PCDH11Y: variants seen among roughly 807,000 people sequenced by gnomAD.
The protein encoded by PCDH11Y is protocadherin 11 Y-linked.
For synonymous variants in PCDH11Y, 9 were observed against 83.6 expected (o/e 0.11, Z 4.87); for missense variants, 12 against 224.8 (o/e 0.05, Z 6.05).
intron 4 of PCDH11Y, among the ~76,000 whole-genome samples, chrY:5,706,849 C>T: frequency 1.3e-4 from 4 of 30,845 alleles, no homozygotes; most frequent in Non-Finnish European, 2.4e-4. Flanking sequence ...TATTACTCTG[C>T]TGTATATTCC....
intron 2 of PCDH11Y, among the ~76,000 whole-genome samples, chrY:5,123,003 G>A: frequency 3.0e-5 from 1 of 32,891 alleles, no homozygotes; most frequent in Non-Finnish European, 7.4e-5. Flanking sequence ...CAAGTAAGGC[G>A]ATTTCAGAAA....
chrY:5,258,417 T>A, intron 2 of PCDH11Y, among the ~76,000 whole-genome samples: 2 of 24,728 alleles, frequency 8.1e-5, no homozygotes, highest in Non-Finnish European at 1.9e-4. Context: ...TTTCTTTTTC[T>A]TTTTTTTTTT....
intron 3 of PCDH11Y, among the ~76,000 whole-genome samples, chrY:5,524,121 G>A (rs2053384066): frequency 2.4e-3 from 81 of 34,104 alleles, no homozygotes; most frequent in Non-Finnish European, 1.3e-3. Context: ...GCTTTCTTGA[G>A]GCAGAAGGCA....
intron 2 of PCDH11Y, among the ~76,000 whole-genome samples, chrY:5,374,411 A>C (rs1602914564): frequency 1.5e-4 from 4 of 25,841 alleles, no homozygotes; most frequent in Non-Finnish European, 3.6e-4. Context: ...CTCTCTCTCT[A>C]TGTGTGTGTG....
chrY:5,125,745 A>ATGTG (rs755669346), intron 2 of PCDH11Y, among the ~76,000 whole-genome samples: 1 of 31,919 alleles, frequency 3.1e-5, no homozygotes, highest in African/African-American at 1.2e-4. Flanking sequence ...CTCTATGTGC[A>ATGTG]TGTGTGTGTG....
intron 2 of PCDH11Y, among the ~76,000 whole-genome samples, chrY:5,477,455 A>G: frequency 1.6e-4 from 5 of 32,193 alleles, no homozygotes; most frequent in African/African-American, 6.2e-4. Context: ...CATCAGGGTT[A>G]CTGGCCTGAC....
At chrY:5,482,683 G>T (rs2053328516) in intron 2 of PCDH11Y, among the ~76,000 whole-genome samples, 1 of 32,711 alleles carries the variant, frequency 3.1e-5, no homozygotes, top group Admixed American at 2.8e-4. Flanking sequence ...TTAGTTCCCG[G>T]TTATTCATTC....
chrY:5,649,416 T>G, intron 4 of PCDH11Y, among the ~76,000 whole-genome samples: 2 of 27,942 alleles, frequency 7.2e-5, no homozygotes, highest in African/African-American at 2.8e-4. Flanking sequence ...CCCTTCTAAT[T>G]AGGCTTCATC....
chrY:5,453,736 C>T, intron 2 of PCDH11Y, among the ~76,000 whole-genome samples: 1 of 31,533 alleles, frequency 3.2e-5, no homozygotes, highest in South Asian at 7.4e-4. Flanking sequence ...AGAGAAGTGC[C>T]ACACTTTTAA....
In PCDH11Y at chrY:5,462,111, G is replaced by A. The variant is rs375364129; in HGVS notation, c.3130-38946G>A. On this transcript the variant is annotated intron_variant, in intron 2 of 4. Transcript: ENST00000400457. ...AGAGAGAAATTCAAAAAGAAAACAA[G>A]GGCTGATTTCAGTCAGTGTCCTGTT... 4.9e-3 allele frequency among the ~76,000 whole-genome samples: 164 copies of A among 33,146 alleles called. No homozygotes were observed. In the South Asian group the frequency reaches 0.1, roughly 20 times the overall value. The allele number at this position is 33,146 out of a possible 37,273, so 88.9% of individuals were successfully genotyped here. A position where few individuals can be genotyped will look rare whatever the true frequency, so the allele number is the denominator to read the frequency against.
In PCDH11Y at chrY:5,091,665, A is replaced by T; in HGVS notation, c.637-6550A>T. ...CATTTCAATCTGAGTGCATATTTCA[A>T]ATTTTAACGTAATAAAATCATTTGA... is the stretch of plus-strand genomic sequence containing the variant. On this transcript the variant is annotated intron_variant, in intron 1 of 1. Coordinates refer to ENST00000215473, the Ensembl canonical transcript of PCDH11Y. Among the ~76,000 whole-genome samples, 5 of 33,600 alleles carry T rather than the reference A, an allele frequency of 1.5e-4. No homozygotes were observed. In the South Asian group the frequency reaches 3.2e-3, roughly 21 times the overall value. 90.1% of individuals were successfully genotyped at this position (33,600 alleles called of 37,273 possible).
chrY:5,377,773 C>T (rs1602915100), intron 2 of PCDH11Y, among the ~76,000 whole-genome samples: 2 of 33,321 alleles, frequency 6.0e-5, no homozygotes, highest in South Asian at 6.4e-4. Context: ...TTTTTTGAGA[C>T]GGAGTCTAGC....
At chrY:5,276,166 C>T in intron 2 of PCDH11Y, among the ~76,000 whole-genome samples, 1 of 32,859 alleles carries the variant, frequency 3.0e-5, no homozygotes, top group African/African-American at 1.2e-4. Context: ...ATATACAAAA[C>T]TACATTCCTT....
chrY:5,554,114 T>C, intron 3 of PCDH11Y, among the ~76,000 whole-genome samples: 2 of 33,081 alleles, frequency 6.0e-5, no homozygotes, highest in African/African-American at 2.4e-4. Context: ...TGGTCTTAGA[T>C]AGAGATAAGA....
chrY:5,108,536 A>G, downstream of PCDH11Y, among the ~76,000 whole-genome samples: 2 of 31,129 alleles, frequency 6.4e-5, no homozygotes, highest in African/African-American at 1.3e-4. Flanking sequence ...TCACGAGGTC[A>G]GGAGATCGAG....
chrY:5,224,612 C>T (rs2124652935), intron 2 of PCDH11Y, among the ~76,000 whole-genome samples: 4 of 32,886 alleles, frequency 1.2e-4, no homozygotes, highest in South Asian at 1.4e-3. Flanking sequence ...ACAGATTCTA[C>T]TCTCACTAGG....
intron 2 of PCDH11Y, among the ~76,000 whole-genome samples, chrY:5,276,816 A>G: frequency 3.1e-5 from 1 of 32,211 alleles, no homozygotes; most frequent in Non-Finnish European, 7.6e-5. Context: ...ATATTTGTCA[A>G]AAATGTTGAA....
intron 2 of PCDH11Y, among the ~76,000 whole-genome samples, chrY:5,457,428 A>G: frequency 3.0e-5 from 1 of 33,751 alleles, no homozygotes; most frequent in South Asian, 6.4e-4. Flanking sequence ...ATAAGCCTAT[A>G]TAGTTCTACC....
chrY:5,220,912 T>A (rs2052953976), intron 2 of PCDH11Y, among the ~76,000 whole-genome samples: 1 of 30,789 alleles, frequency 3.2e-5, no homozygotes, highest in African/African-American at 1.3e-4. Context: ...AGAGACAGGG[T>A]TTCTCCAAGT....
Sources: gnomAD v4.1 joint callset for allele counts (sites outside exome capture counted in the v4.1 genomes callset) on GRCh38, gnomAD v4.1.1 for gene constraint, MANE v1.5 for transcripts, NCBI Gene and HGNC (gene_info 2026-07-23, HGNC 2026-07-21) for gene names.